The following CADM2 variants were observed in gnomAD, a reference collection of about 807,000 sequenced individuals.
CADM2 encodes the protein immunoglobulin superfamily member 4D.
CADM2 carries 12 observed loss-of-function variants against 49.8 expected under a neutral mutation model. That is an observed-to-expected ratio of 0.24 (90% CI 0.15 to 0.39). The LOEUF is 0.39. Among genes scored for constraint, CADM2 ranks in the 10% least tolerant of loss-of-function variants. The probability of loss-of-function intolerance (pLI) is 1.00; values close to 1 mark genes in which losing one functional copy is unlikely to be tolerated. For missense variants in CADM2, 378 were observed against 492.3 expected (o/e 0.77, Z 2.20); for synonymous variants, 214 against 175.4 (o/e 1.22, Z -1.74).
rs1016789708 is a variant in CADM2, at chr3:85,967,748, T to C, written c.970+6101T>C. ...TCCAGCAACGAAACATCTAGCAGTA[T>C]TGAGAGGCTACATGATTTTTTTAGG... is the stretch of plus-strand genomic sequence containing the variant. On this transcript the variant is annotated intron_variant, in intron 8 of 9. Coordinates refer to ENST00000383699, the MANE Select transcript of CADM2 (RefSeq NM_001167675.2). 5.3e-5 allele frequency among the ~76,000 whole-genome samples: 8 copies of C among 151,664 alleles called. No individual in the cohort carries two copies. The East Asian group carries it at 9.8e-4, about 19-fold the overall frequency.
At chr3:85,689,105 A>G (rs1179257962) in intron 1 of CADM2, among the ~76,000 whole-genome samples, 3 of 152,262 alleles carry the variant, frequency 2.0e-5, no homozygotes, top group Non-Finnish European at 4.4e-5. Flanking sequence ...AAAACTATCA[A>G]TAGATGCAAA....
intron 1 of CADM2, among the ~76,000 whole-genome samples, chr3:85,160,922 C>T (rs2107667196): frequency 6.6e-6 from 1 of 152,146 alleles, no homozygotes; most frequent in South Asian, 2.1e-4. Flanking sequence ...TGACTTGCAC[C>T]CTATCTTATC....
chr3:85,979,115 T>G, intron 8 of CADM2: 1 of 1,590,134 alleles, frequency 6.3e-7, no homozygotes, highest in Non-Finnish European at 8.6e-7. Context: ...TGTGTTTCTC[T>G]TTTGTTTGCA....
intron 1 of CADM2, among the ~76,000 whole-genome samples, chr3:85,440,516 A>C (rs1264055269): frequency 6.6e-6 from 1 of 152,196 alleles, no homozygotes; most frequent in Admixed American, 6.5e-5. Context: ...GTTGGAGTCC[A>C]GGTCTTATTT....
chr3:84,982,726 TATATATATACA>T (rs1559601405), intron 1 of CADM2, among the ~76,000 whole-genome samples: 22 of 126,122 alleles, frequency 1.7e-4, no homozygotes, highest in Admixed American at 3.8e-4. Flanking sequence ...TATATATATA[TATATATATACA>T]TTTTTTGTTT....
intron 1 of CADM2, among the ~76,000 whole-genome samples, chr3:85,057,903 G>T (rs1176998186): frequency 1.3e-5 from 2 of 152,088 alleles, no homozygotes; most frequent in Non-Finnish European, 2.9e-5. Context: ...CAGTACACTT[G>T]CATTTTCCCC....
intron 1 of CADM2, among the ~76,000 whole-genome samples, chr3:85,441,667 T>C (rs1050356306): frequency 6.6e-6 from 1 of 152,040 alleles, no homozygotes; most frequent in African/African-American, 2.4e-5. Context: ...AACAACCACA[T>C]ACCTCAAACA....
intron 2 of CADM2, among the ~76,000 whole-genome samples, chr3:85,729,136 T>A (rs2067830674): frequency 1.3e-5 from 2 of 152,170 alleles, no homozygotes; most frequent in South Asian, 4.1e-4. Context: ...CTGATGAACA[T>A]ATTATATTCT....
intron 1 of CADM2, among the ~76,000 whole-genome samples, chr3:85,090,932 G>T (rs1279615973): frequency 6.6e-6 from 1 of 152,132 alleles, no homozygotes; most frequent in African/African-American, 2.4e-5. Context: ...CTGGTTCGTG[G>T]TATCAAAAAG....
chr3:85,278,116 A>G (rs886449336), intron 1 of CADM2, among the ~76,000 whole-genome samples: 2 of 150,392 alleles, frequency 1.3e-5, no homozygotes, highest in African/African-American at 2.4e-5. Context: ...TACAACCTAT[A>G]TTATACAGTT....
chr3:85,588,267 C>A (rs73843680), intron 1 of CADM2, among the ~76,000 whole-genome samples: 1,701 of 152,066 alleles, frequency 0.011, 34 homozygotes, highest in African/African-American at 0.039. Context: ...AGATTTTATT[C>A]TAAAATTCTG....
intron 1 of CADM2, among the ~76,000 whole-genome samples, chr3:85,329,298 A>C (rs1258146526): frequency 6.6e-6 from 1 of 152,042 alleles, no homozygotes; most frequent in East Asian, 1.9e-4. Flanking sequence ...GCACTTTCGG[A>C]GGCCGAGGGA....
intron 1 of CADM2, among the ~76,000 whole-genome samples, chr3:85,337,628 C>T (rs939295142): frequency 6.6e-6 from 1 of 151,422 alleles, no homozygotes; most frequent in Non-Finnish European, 1.5e-5. Context: ...ATTCTAAATA[C>T]TATTCACCAC....
chr3:85,652,450 T>G (rs1266841725), intron 1 of CADM2, among the ~76,000 whole-genome samples: 1 of 152,142 alleles, frequency 6.6e-6, no homozygotes, highest in Non-Finnish European at 1.5e-5. Context: ...AAAGCTAAAG[T>G]TAAGGAGTTT....
chr3:85,979,446 G>A (rs1435176293), intron 8 of CADM2, among the ~76,000 whole-genome samples: 2 of 151,556 alleles, frequency 1.3e-5, no homozygotes, highest in African/African-American at 4.8e-5. Context: ...TAGAATATGA[G>A]AAATGATGGT....
intron 1 of CADM2, among the ~76,000 whole-genome samples, chr3:85,001,931 A>G (rs918010883): frequency 6.6e-6 from 1 of 152,154 alleles, no homozygotes; most frequent in Non-Finnish European, 1.5e-5. Context: ...TTGCAGAGAA[A>G]CTTAATTGAA....
At chr3:85,340,568 T>C (rs976336672) in intron 1 of CADM2, among the ~76,000 whole-genome samples, 2 of 151,610 alleles carry the variant, frequency 1.3e-5, no homozygotes, top group African/African-American at 4.8e-5. Flanking sequence ...AGTGCGTAGG[T>C]GTTTGCTATA....
intron 2 of CADM2, among the ~76,000 whole-genome samples, chr3:85,727,597 A>G (rs924561520): frequency 6.6e-6 from 1 of 152,210 alleles, no homozygotes; most frequent in Non-Finnish European, 1.5e-5. Flanking sequence ...AAATTATTTG[A>G]TAATGAATAC....
Position 85,201,031 on chromosome 3 carries a change from G to A in CADM2, c.61+241363G>A, listed in dbSNP as rs186000342. Among the ~76,000 whole-genome samples the A allele has an allele frequency of 3.3e-5, 5 of 152,114 alleles. No individual in the cohort carries two copies. In the East Asian group the frequency reaches 9.6e-4, roughly 29 times the overall value. ...AATATCCCTGTGATAAGTAATACAT[G>A]TTTATTCATATTAAATATTGTAAGC... On this transcript the variant is annotated intron_variant, in intron 1 of 9. Coordinates refer to ENST00000383699, the MANE Select transcript of CADM2 (RefSeq NM_001167675.2).
Sources: gnomAD v4.1 joint callset for allele counts (sites outside exome capture counted in the v4.1 genomes callset) on GRCh38, gnomAD v4.1.1 for gene constraint, MANE v1.5 for transcripts, NCBI Gene and HGNC (gene_info 2026-07-23, HGNC 2026-07-21) for gene names.